Variants in RYR1 observed in about 807,000 individuals in gnomAD.
RYR1 encodes ryanodine receptor 1, also known as central core disease of muscle.
A neutral mutation model predicts 583.5 loss-of-function variants in RYR1; 342 were observed. The observed-to-expected ratio is 0.59, with a 90% CI of 0.54 to 0.64. RYR1 has a LOEUF of 0.64. RYR1 is among the 30% of genes least tolerant of loss of function. The pLI is 0.00. For synonymous variants in RYR1, 2,791 were observed against 2,822.5 expected (o/e 0.99, Z 0.35); for missense variants, 6,032 against 6,917.2 (o/e 0.87, Z 4.54).
Position 38,445,243 on chromosome 19 carries a change from A to T in RYR1, c.631+566A>T, listed in dbSNP as rs201041180. 1.3e-3 allele frequency among the ~76,000 whole-genome samples: 197 copies of T among 151,166 alleles called. 5 individuals are homozygous for T. The East Asian group carries it at 0.03, about 23-fold the overall frequency. On this transcript the variant is annotated intron_variant, in intron 7 of 105. Transcript: ENST00000359596. ...GCCTCAAAAAAAAAAAAAAAAAAAA[A>T]AAAAAATTAAACTCCTTAGACAATA...
Position 38,517,711 on chromosome 19 carries a change from G to C in RYR1, c.10018+20G>C, listed in dbSNP as rs1360216966. On this transcript the variant is annotated intron_variant, in intron 66 of 105. Transcript: ENST00000359596. ...TGGCTGGTGGGTCGGGGGGCACTGG[G>C]CCTCTGAGGGGTGGGTCAGCAGCCT... is the stretch of plus-strand genomic sequence containing the variant. 8 of 1,610,564 alleles carry C rather than the reference G, an allele frequency of 5.0e-6. No homozygotes were observed. The highest frequency in any genetic ancestry group is 5.9e-6 in the Non-Finnish European group (7 of 1,176,754).
rs1461850175 is a variant in RYR1, at chr19:38,536,011, A to G, written c.11531A>G (p.Asn3844Ser). 3.7e-6 allele frequency: 6 copies of G among 1,613,794 alleles called. No homozygotes were observed. The highest frequency in any genetic ancestry group is 1.1e-5 in the South Asian group (1 of 90,972). Residue 3844 changes from asparagine to serine, a missense_variant, in exon 82 of 106, where the codon AAT becomes AGT. By Grantham distance (46) the Asn-to-Ser change is conservative (BLOSUM62 1). Coordinates refer to ENST00000359596, the MANE Select transcript of RYR1 (RefSeq NM_000540.3). ...LMQTCSVLDL[N>S]AFERQNKAEG... is the part of the protein sequence containing the mutation. Reference sequence around the variant, plus strand: ...CTTTTCCTCAGCGTCCTGGATCTCAATGCCTTTGAGAGACAGAACAAGGCC... The same window carrying G: ...CTTTTCCTCAGCGTCCTGGATCTCAGTGCCTTTGAGAGACAGAACAAGGCC...
chr19:38,448,493 C>T lies in RYR1; in HGVS notation c.939C>T (p.Phe313=), dbSNP rs1187885739. 1 of 1,614,096 alleles carries T rather than the reference C, an allele frequency of 6.2e-7. No individual in the cohort carries two copies. Among genetic ancestry groups the T allele is most frequent in the South Asian group, 1.1e-5 (1 of 91,090 alleles). Residue 313 remains phenylalanine, a synonymous_variant, in exon 10 of 106, where the codon TTC becomes TTT. Coordinates refer to ENST00000359596, the MANE Select transcript of RYR1 (RefSeq NM_000540.3). ...AGGCTCACACCAAGGCTACCTCCTTCTGCTTCCGCATCTCCAAGGTCAGTG... is the reference window on the plus strand; with the variant it reads ...AGGCTCACACCAAGGCTACCTCCTTTTGCTTCCGCATCTCCAAGGTCAGTG... ...ASKAHTKATS[F]CFRISKEKLD...
chr19:38,577,029 G>C (rs1973986649), intron 97 of RYR1, among the ~76,000 whole-genome samples: 1 of 151,990 alleles, frequency 6.6e-6, no homozygotes, highest in Admixed American at 6.6e-5. Flanking sequence ...GGGATTACAG[G>C]CACCCACCAC....
Position 38,580,008 on chromosome 19 carries a change from G to A in RYR1, c.14391G>A (p.Met4797Ile), listed in dbSNP as rs1210588314. The part of the protein sequence containing the change: ...DNSFLYLGWY[M>I]VMSLLGHYNN... The stretch of plus-strand genomic sequence containing the variant: ...CCTTCCTGTACCTGGGCTGGTATAT[G>A]GTGATGTCCCTCTTGGGACACTACA... Residue 4797 changes from methionine (M) to isoleucine (I), a missense_variant, in exon 100 of 106, where the codon ATG (methionine) becomes ATA (isoleucine). By Grantham distance (10) the Met-to-Ile change is conservative. Transcript: ENST00000359596. The A allele has an allele frequency of 1.2e-6, 2 of 1,614,112 alleles. No individual in the cohort carries two copies. Among genetic ancestry groups the A allele is most frequent in the Admixed American group, 1.7e-5 (1 of 59,996 alleles).
At chr19:38,515,922 CAG>C (rs1970946317) in intron 64 of RYR1, among the ~76,000 whole-genome samples, 163 bp from the exon 65 acceptor site, 1 of 152,170 alleles carries the variant, frequency 6.6e-6, no homozygotes, top group Non-Finnish European at 1.5e-5. Flanking sequence ...GCCTGAGTAA[CAG>C]AGCGAGACCC....
At chr19:38,467,839 G>T in intron 25 of RYR1, 27 bp downstream of exon 25, 14 of 1,608,800 alleles carry the variant, frequency 8.7e-6, no homozygotes, top group Non-Finnish European at 1.2e-5. Flanking sequence ...GCACCATTCT[G>T]CCAGGTCCTG....
chr19:38,457,345 C>T, intron 16 of RYR1, 152 bp from the exon 17 acceptor site: 2 of 1,059,502 alleles, frequency 1.9e-6, no homozygotes, highest in Non-Finnish European at 2.9e-6. Flanking sequence ...TGATCCCTGA[C>T]CTTCCACTTT....
Position 38,510,606 on chromosome 19 carries a change from A to C in RYR1, c.9000+41A>C, listed in dbSNP as rs368615688. The C allele has an allele frequency of 1.5e-5, 24 of 1,614,134 alleles. No individual in the cohort carries two copies. The African/African-American group carries it at 3.2e-4, about 22-fold the overall frequency. On this transcript the variant is annotated intron_variant, in intron 59 of 105. Transcript: ENST00000359596. ...AGAAGCTGGAGGGCGCTGGGGACTC[A>C]TAGGCTCTCCCCACCCCTCATTGGA... is the stretch of plus-strand genomic sequence containing the variant.
rs200427549 is a variant in RYR1, at chr19:38,572,048, C to T, written c.13776C>T (p.Asp4592=). The change falls in exon 95 of 106, where the codon GAC becomes GAT. Residue 4592 remains aspartate, a synonymous_variant. Coordinates refer to ENST00000359596, the MANE Select transcript of RYR1 (RefSeq NM_000540.3). ...KVSDSPPGED[D]MEGSAAGDVS... is the part of the protein sequence containing the mutation. ...CAGACTCTCCACCAGGGGAGGACGACATGGAAGGCTCAGCTGCTGGGGATG... is the reference window on the plus strand; with the variant it reads ...CAGACTCTCCACCAGGGGAGGACGATATGGAAGGCTCAGCTGCTGGGGATG... 3.1e-5 allele frequency: 50 copies of T among 1,614,104 alleles called. No individual in the cohort carries two copies. The highest frequency in any genetic ancestry group is 1.5e-4 in the Admixed American group (9 of 60,006).
Position 38,483,460 on chromosome 19 carries a change from C to T in RYR1, c.4878C>T (p.Ala1626=), listed in dbSNP as rs369466056. 3.2e-5 allele frequency: 50 copies of T among 1,568,394 alleles called. No homozygotes were observed. Among genetic ancestry groups the T allele is most frequent in the Non-Finnish European group, 4.1e-5 (48 of 1,160,444 alleles). Residue 1626 remains alanine, a synonymous_variant, in exon 33 of 106, where the codon GCC becomes GCT. Coordinates refer to ENST00000359596, the MANE Select transcript of RYR1 (RefSeq NM_000540.3). The surrounding 1 kb of genome is among the most constrained non-coding windows in gnomAD (Gnocchi z 6.3). ...GTGCCGGCGAGCGGCTGGGCTGGGC[C>T]GTGCAGTGCCAGGAGCCGCTGACCA... is the stretch of plus-strand genomic sequence containing the variant. ...TRRAGERLGW[A]VQCQEPLTMM... is the part of the protein sequence containing the mutation.
intron 21 of RYR1, 103 bp from the exon 22 acceptor site, chr19:38,463,644 G>A: frequency 6.9e-7 from 1 of 1,454,292 alleles, no homozygotes; most frequent in Non-Finnish European, 9.7e-7. Flanking sequence ...TCCTTGGACT[G>A]AGGGTGGCAG....
chr19:38,490,636 C>T lies in RYR1; in HGVS notation c.6031C>T (p.Gln2011Ter), dbSNP rs1385985785. 1 of 1,608,766 alleles carries T rather than the reference C, an allele frequency of 6.2e-7. No individual in the cohort carries two copies. Among genetic ancestry groups the T allele is most frequent in the Admixed American group, 1.7e-5 (1 of 60,014 alleles). ...PPQEQINMLL[Q>*]FKDGTDEEDC... ...CTTCCCCTAGATCAATATGCTATTGCAATTCAAAGATGGTACAGATGAGGA... is the reference window on the plus strand; with the variant it reads ...CTTCCCCTAGATCAATATGCTATTGTAATTCAAAGATGGTACAGATGAGGA... The change falls in exon 37 of 106, where the codon CAA becomes TAA. Residue 2011 changes from glutamine to a stop codon, truncating the protein, a stop_gained. Transcript: ENST00000359596. LOFTEE classifies it high-confidence loss of function.
chr19:38,457,472 T>A, intron 16 of RYR1, 25 bp from the exon 17 acceptor site: 1 of 1,614,102 alleles, frequency 6.2e-7, no homozygotes, highest in Non-Finnish European at 8.5e-7. Context: ...CTACACACCC[T>A]TTAACCTCTG....
At chr19:38,492,160 A>G (rs2145568941) in intron 37 of RYR1, among the ~76,000 whole-genome samples, 1 of 152,026 alleles carries the variant, frequency 6.6e-6, no homozygotes, top group East Asian at 1.9e-4. Flanking sequence ...TCAGGAGTTC[A>G]AAACCAGCCT....
In RYR1 at chr19:38,578,154, A is replaced by G. The variant is rs371953926; in HGVS notation, c.14314A>G (p.Ile4772Val). The change falls in exon 99 of 106, where the codon ATC becomes GTC. Residue 4772 changes from isoleucine to valine, a missense_variant. Ile to Val is a conservative substitution (Grantham distance 29, BLOSUM62 3). Transcript: ENST00000359596. ...PPGLLTWLMS[I>V]DVKYQIWKFG... is the part of the protein sequence containing the mutation. The stretch of plus-strand genomic sequence containing the variant: ...CCCCCGCCCCCACAGGCTCATGTCC[A>G]TCGATGTCAAGTACCAGATCTGGAA... The G allele has an allele frequency of 4.3e-6, 7 of 1,613,358 alleles. No individual in the cohort carries two copies. The African/African-American group carries it at 8.0e-5, about 18-fold the overall frequency.
At position 38,490,687 on chromosome 19, in the gene RYR1, C is replaced by G. The variant is rs773540275; in HGVS notation, c.6082C>G (p.Arg2028Gly). 6.8e-6 allele frequency: 11 copies of G among 1,613,980 alleles called. No individual in the cohort carries two copies. The highest frequency in any genetic ancestry group is 9.3e-6 in the Non-Finnish European group (11 of 1,179,840). The stretch of plus-strand genomic sequence containing the variant: ...AGACTGTCCTCTCCCTGAAGAGATT[C>G]GACAGGATTTGCTTGACTTTCATCA... ...EEDCPLPEEI[R>G]QDLLDFHQDL... Residue 2028 changes from arginine to glycine, a missense_variant, in exon 37 of 106, where the codon CGA (arginine) becomes GGA (glycine). Coordinates refer to ENST00000359596, the MANE Select transcript of RYR1 (RefSeq NM_000540.3).
At chr19:38,536,635 G>C (rs907810081) in intron 82 of RYR1, 115 bp from the exon 83 acceptor site, 112 of 1,204,020 alleles carry the variant, frequency 9.3e-5, no homozygotes, top group South Asian at 2.7e-4. Flanking sequence ...CTCTCTCTCT[G>C]TGTGTCTTTC....
intron 13 of RYR1, among the ~76,000 whole-genome samples, chr19:38,454,644 A>G (rs1359281308): frequency 1.3e-5 from 2 of 152,248 alleles, no homozygotes; most frequent in Non-Finnish European, 2.9e-5. Context: ...CCCTAGAAGC[A>G]GTGGTTCAGT....
Sources: gnomAD v4.1 joint callset for allele counts (sites outside exome capture counted in the v4.1 genomes callset) on GRCh38, gnomAD v4.1.1 for gene constraint, Gnocchi (gnomAD v3.1) non-coding constraint, MANE v1.5 for transcripts, NCBI Gene and HGNC (gene_info 2026-07-23, HGNC 2026-07-21) for gene names.